Variants in BLNK observed in about 807,000 individuals in gnomAD.
The protein encoded by BLNK is B cell linker.
In BLNK, 29 loss-of-function variants were observed where a neutral mutation model predicts 73.5. The ratio of observed to expected loss-of-function variants is 0.39; its 90% CI spans 0.29 to 0.54. BLNK has a LOEUF of 0.54. Among genes scored for constraint, BLNK ranks in the 20% least tolerant of loss-of-function variants. BLNK has a pLI of 0.61. For missense variants in BLNK, 460 were observed against 562.8 expected, an observed-to-expected ratio of 0.82 and a Z score of 1.85; for synonymous variants, 176 against 200.8, an observed-to-expected ratio of 0.88 and a Z score of 1.04.
intron 1 of BLNK, among the ~76,000 whole-genome samples, chr10:96,258,063 C>T (rs1843595181): frequency 6.6e-6 from 1 of 152,224 alleles, no homozygotes; most frequent in African/African-American, 2.4e-5. Context: ...AACTTCTCCC[C>T]CTCCACTCTT....
chr10:96,248,271 A>G (rs1843132897), intron 1 of BLNK, among the ~76,000 whole-genome samples: 2 of 152,200 alleles, frequency 1.3e-5, no homozygotes, highest in South Asian at 4.1e-4. Flanking sequence ...GCCTTTCTCG[A>G]TTTACAAAGA....
At chr10:96,197,498 AG>A (rs2083498716) in intron 15 of BLNK, among the ~76,000 whole-genome samples, 1 of 152,116 alleles carries the variant, frequency 6.6e-6, no homozygotes, top group Non-Finnish European at 1.5e-5. Flanking sequence ...GTGCTAAATA[AG>A]GTTTTATGTT....
chr10:96,224,681 T>C (rs1302975397), intron 5 of BLNK, among the ~76,000 whole-genome samples: 1 of 152,114 alleles, frequency 6.6e-6, no homozygotes, highest in East Asian at 1.9e-4. Context: ...ACATTCTTCA[T>C]TGTTATTTTT....
intron 1 of BLNK, among the ~76,000 whole-genome samples, chr10:96,263,442 A>G (rs1248344279): frequency 6.6e-6 from 1 of 152,252 alleles, no homozygotes; most frequent in Admixed American, 6.5e-5. Flanking sequence ...CAGTCACCAC[A>G]TGTCCCTCAA....
intron 4 of BLNK, among the ~76,000 whole-genome samples, chr10:96,229,596 C>G (rs1461793886): frequency 6.6e-6 from 1 of 151,792 alleles, no homozygotes. Flanking sequence ...CCAGCTTGCT[C>G]AGTTTTCTTC....
At chr10:96,256,357 CT>C (rs1369094389) in intron 1 of BLNK, among the ~76,000 whole-genome samples, 2 of 152,048 alleles carry the variant, frequency 1.3e-5, no homozygotes, top group African/African-American at 2.4e-5. Context: ...TTTAAAAACA[CT>C]TTTTTAAACT....
intron 7 of BLNK, 144 bp downstream of exon 7, chr10:96,216,509 G>A: frequency 6.8e-6 from 5 of 734,602 alleles, no homozygotes; most frequent in Middle Eastern, 4.6e-4. Flanking sequence ...TGCCCAACCA[G>A]CCAAAGAAGC....
At chr10:96,214,852 A>G (rs1376117833) in intron 8 of BLNK, among the ~76,000 whole-genome samples, 1 of 152,182 alleles carries the variant, frequency 6.6e-6, no homozygotes, top group Non-Finnish European at 1.5e-5. Context: ...CTCCTGTCAC[A>G]GAGTAGGGGC....
intron 3 of BLNK, among the ~76,000 whole-genome samples, chr10:96,232,379 C>T (rs587631869): frequency 2.5e-4 from 37 of 146,992 alleles, no homozygotes; most frequent in Admixed American, 4.7e-4. Context: ...AGAACCTCAA[C>T]AGAACATTTT....
At chr10:96,269,918 C>T (rs1844197062) in intron 1 of BLNK, among the ~76,000 whole-genome samples, 1 of 152,154 alleles carries the variant, frequency 6.6e-6, no homozygotes, top group African/African-American at 2.4e-5. Context: ...TCCTCCAATT[C>T]TCCAGTATTT....
intron 16 of BLNK, among the ~76,000 whole-genome samples, chr10:96,196,295 C>T (rs1466684364): frequency 2.0e-5 from 3 of 152,156 alleles, no homozygotes; most frequent in African/African-American, 7.2e-5. Context: ...GTTACTCCAG[C>T]TCATATTTCA....
chr10:96,267,385 G>A (rs868921565), intron 1 of BLNK, among the ~76,000 whole-genome samples: 1 of 152,170 alleles, frequency 6.6e-6, no homozygotes, highest in Non-Finnish European at 1.5e-5. Flanking sequence ...AGAGGGAAAG[G>A]TGAGTCAGTG....
At chr10:96,215,539 A>C in intron 7 of BLNK, 150 bp from the exon 8 acceptor site, 1 of 615,416 alleles carries the variant, frequency 1.6e-6, no homozygotes, top group Non-Finnish European at 2.8e-6. Context: ...TATTAGACAC[A>C]CAAACCAATA....
intron 1 of BLNK, among the ~76,000 whole-genome samples, chr10:96,260,379 T>C (rs1433023459): frequency 6.6e-6 from 1 of 152,236 alleles, no homozygotes; most frequent in Non-Finnish European, 1.5e-5. Flanking sequence ...AACTGACGTC[T>C]CTTAAATCGA....
chr10:96,205,661 C>T (rs1044373574), intron 11 of BLNK, among the ~76,000 whole-genome samples: 8 of 152,226 alleles, frequency 5.3e-5, no homozygotes, highest in Admixed American at 2.6e-4. Context: ...GCTCTGCCTC[C>T]GCCATCCTGA....
intron 1 of BLNK, among the ~76,000 whole-genome samples, chr10:96,265,258 G>A (rs1843950856): frequency 6.6e-6 from 1 of 151,794 alleles, no homozygotes; most frequent in Admixed American, 6.6e-5. Flanking sequence ...TGCTGGGATT[G>A]CAGGAATGAC....
intron 12 of BLNK, 32 bp downstream of exon 12, chr10:96,204,500 G>A (rs1554896921): frequency 9.3e-6 from 15 of 1,604,318 alleles, no homozygotes; most frequent in Admixed American, 1.7e-5. Context: ...AGCAACAAGA[G>A]GAAACTGATC....
intron 12 of BLNK, 183 bp downstream of exon 12, chr10:96,204,349 C>T: frequency 1.3e-6 from 1 of 742,260 alleles, no homozygotes; most frequent in Non-Finnish European, 2.3e-6. Context: ...ATTAGTAGGT[C>T]TCTGCAACTC....
rs1457293131 is a variant in BLNK, at chr10:96,242,615, T to C, written c.163+120A>G. 76 of 1,020,080 alleles carry C rather than the reference T, an allele frequency of 7.5e-5. No homozygotes were observed. The Admixed American group carries it at 1.4e-3, about 18-fold the overall frequency. 63.2% of individuals were successfully genotyped at this position (1,020,080 alleles called of 1,614,324 possible). On this transcript the variant is annotated intron_variant, in intron 3 of 16. Coordinates refer to ENST00000224337, the MANE Select transcript of BLNK (RefSeq NM_013314.4). ...TAATAGATTTAGTCATTCTTGAAAT[T>C]AGAAAAGATACCTTTTGTTTTCAAA...
Sources: gnomAD v4.1 joint callset for allele counts (sites outside exome capture counted in the v4.1 genomes callset) on GRCh38, gnomAD v4.1.1 for gene constraint, MANE v1.5 for transcripts, NCBI Gene and HGNC (gene_info 2026-07-23, HGNC 2026-07-21) for gene names.